Variants in WDFY3 observed in about 807,000 individuals in gnomAD.
The protein encoded by WDFY3 is WD repeat and FYVE domain containing 3, also known as WD repeat and FYVE domain-containing protein 3.
Under a neutral mutation model 409.6 loss-of-function variants are expected in WDFY3, and 66 were observed. That is an observed-to-expected ratio of 0.16 (90% CI 0.13 to 0.20). The LOEUF (loss-of-function observed/expected upper bound fraction) is 0.20. Among genes scored for constraint, WDFY3 ranks in the 10% least tolerant of loss-of-function variants. WDFY3 has a pLI of 1.00. For missense variants in WDFY3, 3,031 were observed against 4,298.1 expected (o/e 0.71, Z 8.24); for synonymous variants, 1,521 against 1,537.1 (o/e 0.99, Z 0.25).
chr4:84,678,872 C>T, intron 65 of WDFY3, 47 bp downstream of exon 65: 1 of 1,555,794 alleles, frequency 6.4e-7, no homozygotes, highest in Non-Finnish European at 8.7e-7. Context: ...CACCAACCCT[C>T]ACACCACATA....
chr4:84,776,472 G>A (rs561163809), intron 27 of WDFY3, among the ~76,000 whole-genome samples: 6 of 152,136 alleles, frequency 3.9e-5, no homozygotes, highest in African/African-American at 1.4e-4. Context: ...TTTGTATATT[G>A]AGTTTTAATC....
intron 3 of WDFY3, among the ~76,000 whole-genome samples, chr4:84,864,025 T>G (rs2150238944): frequency 6.6e-6 from 1 of 152,296 alleles, no homozygotes; most frequent in African/African-American, 2.4e-5. Flanking sequence ...TTGGGTTCTT[T>G]TGTGGTTCCA....
At chr4:84,700,178 T>G (rs1490554743) in intron 56 of WDFY3, among the ~76,000 whole-genome samples, 1 of 152,112 alleles carries the variant, frequency 6.6e-6, no homozygotes. Flanking sequence ...AGTCGTATGA[T>G]TTTAGGTTTT....
chr4:84,809,338 T>A, intron 14 of WDFY3: 1 of 149,018 alleles, frequency 6.7e-6, no homozygotes, highest in Non-Finnish European at 1.5e-5. Flanking sequence ...CCTAGCACAG[T>A]GACTTGGCAT....
At position 84,775,998 on chromosome 4, in the gene WDFY3, G is replaced by A. The variant is rs116655542; in HGVS notation, c.4519-860C>T. On this transcript the variant is annotated intron_variant, in intron 27 of 67. Coordinates refer to ENST00000295888, the MANE Select transcript of WDFY3 (RefSeq NM_014991.6). Reference sequence around the variant, plus strand: ...CAGAAAAATTACACAAGATGGAAATGGAGATTTACACAAAGGAATAAAGAA... The same window carrying A: ...CAGAAAAATTACACAAGATGGAAATAGAGATTTACACAAAGGAATAAAGAA... 2.3e-3 allele frequency among the ~76,000 whole-genome samples: 351 copies of A among 151,936 alleles called. 1 individual carries two copies. The highest frequency in any genetic ancestry group is 7.9e-3 in the African/African-American group (328 of 41,484).
intron 1 of WDFY3, among the ~76,000 whole-genome samples, chr4:84,951,992 T>C (rs1341291406): frequency 6.6e-6 from 1 of 152,008 alleles, no homozygotes; most frequent in African/African-American, 2.4e-5. Flanking sequence ...GAAAGAAAAA[T>C]CAGCCTTCTA....
In WDFY3 at chr4:84,673,463, A is replaced by G. The variant is rs1725761373; in HGVS notation, c.10458-472T>C. Reference sequence around the variant, plus strand: ...TTTTCAAGAGAATTACTAATGACTCATTAGTGAGTCTTCTAATTTCCAAAA... The same window carrying G: ...TTTTCAAGAGAATTACTAATGACTCGTTAGTGAGTCTTCTAATTTCCAAAA... On this transcript the variant is annotated intron_variant, in intron 67 of 67. Coordinates refer to ENST00000295888, the MANE Select transcript of WDFY3 (RefSeq NM_014991.6). 2.0e-5 allele frequency among the ~76,000 whole-genome samples: 3 copies of G among 152,168 alleles called. No individual in the cohort carries two copies. In the South Asian group the frequency reaches 6.2e-4, roughly 31 times the overall value.
intron 42 of WDFY3, among the ~76,000 whole-genome samples, chr4:84,735,877 G>A (rs1270165792): frequency 3.3e-5 from 5 of 152,110 alleles, no homozygotes; most frequent in African/African-American, 1.2e-4. Context: ...ATAATTATTA[G>A]TAATAACATT....
In WDFY3 at chr4:84,893,197, C is replaced by T. The variant is rs549824735; in HGVS notation, c.-32+3714G>A. ...GGCTCTATATACTACCTCCTCTATT[C>T]TGCTGCTTCTTGCCACTCTTTTCTG... On this transcript the variant is annotated intron_variant, in intron 3 of 67. Transcript: ENST00000295888. Among the ~76,000 whole-genome samples, 5 of 152,328 alleles carry T rather than the reference C, an allele frequency of 3.3e-5. No individual in the cohort carries two copies. The South Asian group carries it at 8.3e-4, about 25-fold the overall frequency.
At chr4:84,798,215 A>AC in intron 17 of WDFY3, 107 bp from the exon 18 acceptor site, 1 of 970,518 alleles carries the variant, frequency 1.0e-6, no homozygotes, top group East Asian at 2.7e-5. Context: ...ACTAATTACA[A>AC]TAAAAAAATG....
chr4:84,679,180 C>G lies in WDFY3; in HGVS notation c.9886G>C (p.Asp3296His). ...SEADEQSISQ[D>H]PKDTPSQPSS... is the part of the protein sequence containing the mutation. ...GGTTGGCTTGGAGTGTCCTTAGGGT[C>G]CTGGCTGATGCTCTGCTCATCTGCT... The change falls in exon 65 of 68, where the codon GAC becomes CAC. Residue 3296 changes from aspartate to histidine, a missense_variant. Physicochemically the swap from Asp to His is moderately conservative, Grantham distance 81. Coordinates refer to ENST00000295888, the MANE Select transcript of WDFY3 (RefSeq NM_014991.6). The G allele has an allele frequency of 6.2e-7, 1 of 1,609,042 alleles. No individual in the cohort carries two copies. Among genetic ancestry groups the G allele is most frequent in the African/African-American group, 1.3e-5 (1 of 74,918 alleles).
intron 1 of WDFY3, among the ~76,000 whole-genome samples, chr4:84,961,589 C>T (rs1360572775): frequency 6.6e-6 from 1 of 152,062 alleles, no homozygotes; most frequent in African/African-American, 2.4e-5. Flanking sequence ...ACAGTAAAAA[C>T]TCAACAAACA....
chr4:84,705,767 A>T (rs1159943678), intron 53 of WDFY3, among the ~76,000 whole-genome samples: 2 of 152,210 alleles, frequency 1.3e-5, no homozygotes, highest in African/African-American at 4.8e-5. Flanking sequence ...TCACAGAGGA[A>T]GCCACTCAGG....
rs192667836 is a variant in WDFY3, at chr4:84,913,389, G to A, written c.-131-16379C>T. On this transcript the variant is annotated intron_variant, in intron 2 of 67. Transcript: ENST00000295888. ...GTTCCCAGATGTTGTGCACGATTTC[G>A]TAAGATGTATGATAGAGCTGATCAG... is the stretch of plus-strand genomic sequence containing the variant. Among the ~76,000 whole-genome samples the A allele has an allele frequency of 1.2e-3, 179 of 152,240 alleles. 2 individuals are homozygous for A. The highest frequency in any genetic ancestry group is 3.9e-3 in the African/African-American group (160 of 41,526).
intron 3 of WDFY3, among the ~76,000 whole-genome samples, chr4:84,864,866 T>C (rs1761151065): frequency 6.6e-6 from 1 of 152,266 alleles, no homozygotes; most frequent in Non-Finnish European, 1.5e-5. Flanking sequence ...ATAATCTTTT[T>C]TGAGTTTTCT....
At chr4:84,890,765 A>G (rs1437241214) in intron 3 of WDFY3, among the ~76,000 whole-genome samples, 1 of 152,202 alleles carries the variant, frequency 6.6e-6, no homozygotes, top group African/African-American at 2.4e-5. Flanking sequence ...TAGGTAAGTG[A>G]GCATGTATTG....
At chr4:84,872,958 G>A (rs771891753) in intron 3 of WDFY3, among the ~76,000 whole-genome samples, 1 of 152,066 alleles carries the variant, frequency 6.6e-6, no homozygotes, top group South Asian at 2.1e-4. Context: ...ATTATATACC[G>A]ACAAAGGGAT....
chr4:84,955,594 TATAAG>T (rs531037777), intron 1 of WDFY3, among the ~76,000 whole-genome samples: 47 of 152,316 alleles, frequency 3.1e-4, no homozygotes, highest in African/African-American at 1.1e-3. Flanking sequence ...GTACTATAGT[TATAAG>T]ATATTACTAA....
intron 1 of WDFY3, among the ~76,000 whole-genome samples, chr4:84,955,194 C>T (rs1201759397): frequency 3.3e-5 from 5 of 149,988 alleles, no homozygotes; most frequent in African/African-American, 1.2e-4. Flanking sequence ...CAGAACAAAA[C>T]ACTGTCTCAA....
Sources: allele counts gnomAD v4.1 joint callset (sites outside exome capture counted in the v4.1 genomes callset), GRCh38; gene constraint gnomAD v4.1.1; transcripts MANE v1.5; gene names NCBI Gene and HGNC (gene_info 2026-07-23, HGNC 2026-07-21).